MARCHF1: variants seen among roughly 807,000 people sequenced by gnomAD.
The protein encoded by MARCHF1 is membrane associated ring-CH-type finger 1, also known as E3 ubiquitin-protein ligase MARCHF1.
Under a neutral mutation model 54.2 loss-of-function variants are expected in MARCHF1, and 40 were observed. The ratio of observed to expected loss-of-function variants is 0.74; its 90% CI spans 0.57 to 0.96. The LOEUF (loss-of-function observed/expected upper bound fraction) is 0.96. Among genes scored for constraint, MARCHF1 ranks in the 40% least tolerant of loss-of-function variants. MARCHF1 has a pLI of 0.00. For missense variants in MARCHF1, 586 were observed against 656.5 expected, an observed-to-expected ratio of 0.89 and a Z score of 1.17; for synonymous variants, 236 against 236.3, an observed-to-expected ratio of 1.00 and a Z score of 0.01.
chr4:164,271,645 T>A (rs1398485722), intron 1 of MARCHF1, among the ~76,000 whole-genome samples: 1 of 152,150 alleles, frequency 6.6e-6, no homozygotes, highest in Admixed American at 6.5e-5. Context: ...TGGTTATCCA[T>A]ATGAGGCAAA....
chr4:164,150,324 C>G (rs1202613446), intron 1 of MARCHF1, among the ~76,000 whole-genome samples: 1 of 152,148 alleles, frequency 6.6e-6, no homozygotes, highest in African/African-American at 2.4e-5. Flanking sequence ...AATTTCAAGT[C>G]TTTCCCAGGG....
At chr4:163,923,920 T>C (rs35550023) in intron 3 of MARCHF1, among the ~76,000 whole-genome samples, 116,972 of 151,748 alleles carry the variant, frequency 0.77, 45,205 homozygotes, top group East Asian at 0.93. Context: ...GATACTTTAT[T>C]TTTAAAAATT....
At chr4:164,300,835 A>G (rs1386218276) in intron 1 of MARCHF1, among the ~76,000 whole-genome samples, 1 of 152,182 alleles carries the variant, frequency 6.6e-6, no homozygotes, top group Non-Finnish European at 1.5e-5. Flanking sequence ...AAGTACGTCA[A>G]TGCACCAAAT....
intron 8 of MARCHF1, among the ~76,000 whole-genome samples, chr4:163,580,413 G>A (rs533812470): frequency 6.6e-6 from 1 of 152,200 alleles, no homozygotes; most frequent in South Asian, 2.1e-4. Flanking sequence ...AACTCTTTTG[G>A]TGTTGATGTT....
In MARCHF1 at chr4:164,093,793, C is replaced by T. The variant is rs78975826; in HGVS notation, c.-248+17795G>A. Among the ~76,000 whole-genome samples, 27 of 152,168 alleles carry T rather than the reference C, an allele frequency of 1.8e-4. No homozygotes were observed. The East Asian group carries it at 5.0e-3, about 28-fold the overall frequency. On this transcript the variant is annotated intron_variant, in intron 2 of 9. Transcript: ENST00000514618. ...AAACAGAAGCCTTCTCAGCACAGCA[C>T]CCTTAATGTATGGGTAAAATTTGTG...
intron 1 of MARCHF1, among the ~76,000 whole-genome samples, chr4:164,250,070 G>GA: frequency 6.6e-6 from 1 of 152,190 alleles, no homozygotes; most frequent in Admixed American, 6.6e-5. Flanking sequence ...CAGGTCTAGA[G>GA]AAGACAATCA....
chr4:164,206,398 T>C (rs1012697276), intron 1 of MARCHF1, among the ~76,000 whole-genome samples: 1 of 152,132 alleles, frequency 6.6e-6, no homozygotes, highest in Non-Finnish European at 1.5e-5. Context: ...GGTCATGCCA[T>C]TGTACTCCAG....
intron 1 of MARCHF1, among the ~76,000 whole-genome samples, chr4:164,336,640 C>T (rs781511052): frequency 3.9e-5 from 6 of 152,112 alleles, no homozygotes; most frequent in Admixed American, 6.5e-5. Context: ...ATAAAAATCA[C>T]GAATATTATC....
At chr4:164,347,347 T>C (rs368019563) in intron 1 of MARCHF1, among the ~76,000 whole-genome samples, 2 of 152,152 alleles carry the variant, frequency 1.3e-5, no homozygotes. Flanking sequence ...TGGTGACTTG[T>C]ATGGCTGAAG....
At chr4:164,160,257 C>T (rs1730195677) in intron 1 of MARCHF1, among the ~76,000 whole-genome samples, 1 of 152,048 alleles carries the variant, frequency 6.6e-6, no homozygotes, top group South Asian at 2.1e-4. Flanking sequence ...CTTCTGCAAA[C>T]CTAGGTGGCA....
At chr4:163,878,006 A>T (rs918799217) in intron 3 of MARCHF1, among the ~76,000 whole-genome samples, 4 of 152,168 alleles carry the variant, frequency 2.6e-5, no homozygotes, top group Non-Finnish European at 4.4e-5. Context: ...GATTCGTGAG[A>T]CGTTTCTCAA....
chr4:163,641,334 G>T (rs1207089298), intron 5 of MARCHF1, among the ~76,000 whole-genome samples: 1 of 152,022 alleles, frequency 6.6e-6, no homozygotes, highest in Non-Finnish European at 1.5e-5. Flanking sequence ...AAGAACTAAA[G>T]TTAGTACAAT....
At chr4:163,680,911 T>A (rs1579189378) in intron 5 of MARCHF1, among the ~76,000 whole-genome samples, 1 of 151,936 alleles carries the variant, frequency 6.6e-6, no homozygotes, top group Middle Eastern at 3.4e-3. Context: ...ATCATTGTAT[T>A]TCTAGTTGCC....
chr4:163,866,176 T>A (rs1471308409), intron 3 of MARCHF1, among the ~76,000 whole-genome samples: 1 of 151,620 alleles, frequency 6.6e-6, no homozygotes, highest in Non-Finnish European at 1.5e-5. Flanking sequence ...CATGTTTTAA[T>A]GCCTGAACAT....
At chr4:164,221,758 C>T (rs1489965401) in intron 1 of MARCHF1, among the ~76,000 whole-genome samples, 2 of 151,918 alleles carry the variant, frequency 1.3e-5, no homozygotes, top group Admixed American at 6.6e-5. Flanking sequence ...CCTTGAAACA[C>T]CAGTGTTCCA....
chr4:163,716,252 A>G (rs1021165034), intron 4 of MARCHF1, among the ~76,000 whole-genome samples: 5 of 152,200 alleles, frequency 3.3e-5, no homozygotes, highest in African/African-American at 1.2e-4. Flanking sequence ...CAAGTATTCA[A>G]TATGTATGAT....
At chr4:163,731,813 A>G (rs1745849039) in intron 4 of MARCHF1, among the ~76,000 whole-genome samples, 1 of 152,212 alleles carries the variant, frequency 6.6e-6, no homozygotes, top group Admixed American at 6.5e-5. Context: ...ATTCGCAAGG[A>G]ATCAGCTAAA....
rs543895935 is a variant in MARCHF1, at chr4:164,085,926, ACTTC to A, written c.-248+25658_-248+25661del. On this transcript the variant is annotated intron_variant, in intron 2 of 9. Transcript: ENST00000514618. Reference sequence around the variant, plus strand: ...ATTATGAAAAAATAAATCTTGGCAAACTTCCTGTTTCTTTCAGTTATAGAAATTT... The same window carrying A: ...ATTATGAAAAAATAAATCTTGGCAAACTGTTTCTTTCAGTTATAGAAATTT... Among the ~76,000 whole-genome samples the A allele has an allele frequency of 3.0e-3, 461 of 151,824 alleles. 4 individuals are homozygous for A. Among genetic ancestry groups the A allele is most frequent in the Non-Finnish European group, 3.5e-3 (237 of 67,690 alleles).
intron 2 of MARCHF1, among the ~76,000 whole-genome samples, chr4:164,060,187 A>G (rs1754585086): frequency 6.6e-6 from 1 of 152,132 alleles, no homozygotes; most frequent in South Asian, 2.1e-4. Context: ...TAAAATATCC[A>G]TATTTTCTCA....
Sources: allele counts gnomAD v4.1 joint callset (sites outside exome capture counted in the v4.1 genomes callset), GRCh38; gene constraint gnomAD v4.1.1; transcripts MANE v1.5; gene names NCBI Gene and HGNC (gene_info 2026-07-23, HGNC 2026-07-21).